RCC1L: variants seen among roughly 807,000 people sequenced by gnomAD.
The protein encoded by RCC1L is RCC1-like G exchanging factor-like protein.
A neutral mutation model predicts 58.6 loss-of-function variants in RCC1L; 46 were observed. The observed-to-expected ratio is 0.79, with a 90% CI of 0.62 to 1.00. RCC1L has a LOEUF of 1.00. RCC1L is among the 50% of genes least tolerant of loss of function. RCC1L has a pLI of 0.00. For missense variants in RCC1L, 636 were observed against 623.6 expected (o/e 1.02, Z -0.21); for synonymous variants, 281 against 262.9 (o/e 1.07, Z -0.67).
rs977861523 is a variant in RCC1L, at chr7:75,042,492, T to C, written c.*540A>G. 19 of 990,322 alleles carry C rather than the reference T, an allele frequency of 1.9e-5. No individual in the cohort carries two copies. The highest frequency in any genetic ancestry group is 2.0e-5 in the Non-Finnish European group (17 of 832,664). 61.3% of individuals were successfully genotyped at this position (990,322 alleles called of 1,614,324 possible). ...GAATCCCAGGCCACGGTGCTTCTAG[T>C]GTCCCCCCAGCGAGCTTGCGGTGTG... On this transcript the variant is annotated 3_prime_UTR_variant, in exon 11 of 11. Coordinates refer to ENST00000610322, the MANE Select transcript of RCC1L (RefSeq NM_030798.5).
chr7:75,063,437 C>T, intron 4 of RCC1L, 94 bp from the exon 5 acceptor site: 1 of 1,275,632 alleles, frequency 7.8e-7, no homozygotes, highest in Non-Finnish European at 1.1e-6. Flanking sequence ...ATGGCCCGTC[C>T]CCTCCGCTCA....
chr7:75,049,208 A>C (rs1371926788), intron 10 of RCC1L, among the ~76,000 whole-genome samples: 5 of 152,316 alleles, frequency 3.3e-5, no homozygotes, highest in South Asian at 2.1e-4. Context: ...TAGTTGTTTT[A>C]AAGAATAAAG....
Position 75,052,717 on chromosome 7 carries a change from T to A in RCC1L, c.1311A>T (p.Pro437=), listed in dbSNP as rs1047096507. The change falls in exon 10 of 11, where the codon CCA becomes CCT. Residue 437 remains proline (P), a synonymous_variant. Coordinates refer to ENST00000610322, the MANE Select transcript of RCC1L (RefSeq NM_030798.5). ...CCTCCCCGGCCAGCCTTACCCTCCA[T>A]GGGAAATACTGGTCCTCCAGGCGAC... is the stretch of plus-strand genomic sequence containing the variant. The part of the protein sequence containing the change: ...GIGRLEDQYF[P]WRVTMPGEPV... The A allele has an allele frequency of 3.7e-6, 6 of 1,611,368 alleles. No individual in the cohort carries two copies. Among genetic ancestry groups the A allele is most frequent in the South Asian group, 3.3e-5 (3 of 90,094 alleles).
chr7:75,061,030 C>T (rs1397555860), intron 6 of RCC1L, among the ~76,000 whole-genome samples, 177 bp downstream of exon 6: 5 of 152,000 alleles, frequency 3.3e-5, no homozygotes, highest in East Asian at 1.9e-4. Context: ...GATGTGATCG[C>T]GCCACTGCAC....
intron 5 of RCC1L, among the ~76,000 whole-genome samples, chr7:75,062,172 A>C (rs1470726290): frequency 1.3e-5 from 2 of 151,650 alleles, no homozygotes; most frequent in African/African-American, 2.4e-5. Context: ...AAAAAAAAGA[A>C]AAAGAAACTA....
At chr7:75,055,253 C>A (rs952364830) in intron 9 of RCC1L, among the ~76,000 whole-genome samples, 3 of 152,176 alleles carry the variant, frequency 2.0e-5, no homozygotes, top group Admixed American at 2.0e-4. Context: ...ATTGAACCCA[C>A]GGTAACTGTG....
chr7:75,043,213 T>C (rs981407430), intron 10 of RCC1L, 104 bp from the exon 11 acceptor site: 6 of 1,281,556 alleles, frequency 4.7e-6, no homozygotes, highest in South Asian at 1.2e-5. Flanking sequence ...GGAGACTCAG[T>C]AGGAGACAGC....
downstream of RCC1L, among the ~76,000 whole-genome samples, chr7:75,039,563 T>G (rs1036398346): frequency 1.9e-3 from 294 of 152,312 alleles, 12 homozygotes; most frequent in Non-Finnish European, 1.8e-3. Context: ...TCTGCATACC[T>G]GCAGGGGCGA....
chr7:75,057,895 C>T (rs891918555), intron 7 of RCC1L: 7 of 430,442 alleles, frequency 1.6e-5, no homozygotes, highest in African/African-American at 6.1e-5. Flanking sequence ...TGGTGGCTCA[C>T]GCCTGTAATC....
Position 75,042,763 on chromosome 7 carries a change from G to A in RCC1L, c.*269C>T, listed in dbSNP as rs1584488557. The stretch of plus-strand genomic sequence containing the variant: ...CACCAGACACCGTCGCATGTTACTT[G>A]GAGAGAACAGAGACGTGCGGGCCAC... On this transcript the variant is annotated 3_prime_UTR_variant, in exon 11 of 11. Transcript: ENST00000610322. 2 of 1,399,550 alleles carry A rather than the reference G, an allele frequency of 1.4e-6. 1 individual carries two copies. Among genetic ancestry groups the A allele is most frequent in the South Asian group, 3.2e-5 (2 of 63,006 alleles). The allele number at this position is 1,399,550 out of a possible 1,614,324, so 86.7% of individuals were successfully genotyped here.
chr7:75,056,136 A>C (rs1179106965), intron 8 of RCC1L, 62 bp from the exon 9 acceptor site: 1 of 1,590,200 alleles, frequency 6.3e-7, no homozygotes, highest in African/African-American at 1.3e-5. Flanking sequence ...CCTCACCAGA[A>C]ACTCAAACTA....
rs1806171494 is a variant in RCC1L, at chr7:75,058,772, AAC to A, written c.788-5_788-4del. 6.2e-7 allele frequency: 1 copy of A among 1,613,842 alleles called. No individual in the cohort carries two copies. Among genetic ancestry groups the A allele is most frequent in the Non-Finnish European group, 8.5e-7 (1 of 1,179,844 alleles). ...GGTGATATTGTAGTGACCCAGACCT[AAC>A]ACAGTGGAAAATACAGATTTTTAAT... On this transcript the variant is annotated splice_polypyrimidine_tract_variant and splice_region_variant and intron_variant, in intron 6 of 10. Coordinates refer to ENST00000610322, the MANE Select transcript of RCC1L (RefSeq NM_030798.5).
chr7:75,028,226 G>T, intron 10 of RCC1L: 3 of 742,252 alleles, frequency 4.0e-6, no homozygotes, highest in Non-Finnish European at 6.3e-6. Context: ...GTTCAAGCGA[G>T]TCTCCTACAT....
intron 10 of RCC1L, among the ~76,000 whole-genome samples, chr7:75,043,515 C>T (rs1805627395): frequency 6.6e-6 from 1 of 152,188 alleles, no homozygotes; most frequent in Non-Finnish European, 1.5e-5. Flanking sequence ...AGGCTCCATG[C>T]CCCCAGGCCA....
rs1806068834 is a variant in RCC1L, at chr7:75,056,039, G to T, written c.1093C>A (p.Leu365Ile). The T allele has an allele frequency of 6.2e-7, 1 of 1,613,944 alleles. No homozygotes were observed. Among genetic ancestry groups the T allele is most frequent in the Non-Finnish European group, 8.5e-7 (1 of 1,179,858 alleles). ...GHVFVWGYGI[L>I]GKGPNLVESA... ...TCCACTAGGTTTGGACCTTTCCCAA[G>T]AATTCCATAGCCCCAGACAAAAACA... Residue 365 changes from leucine (L) to isoleucine (I), a missense_variant, in exon 9 of 11, where the codon CTT (leucine) becomes ATT (isoleucine). Leu to Ile is a conservative substitution (Grantham distance 5, BLOSUM62 2). Transcript: ENST00000610322.
chr7:75,040,418 C>T (rs1231115637), downstream of RCC1L, among the ~76,000 whole-genome samples: 107 of 152,188 alleles, frequency 7.0e-4, no homozygotes, highest in South Asian at 5.0e-3. Context: ...TGAGATCATG[C>T]CACTGCACTC....
chr7:75,031,366 C>T (rs1805299510), intron 10 of RCC1L, among the ~76,000 whole-genome samples: 1 of 152,156 alleles, frequency 6.6e-6, no homozygotes, highest in South Asian at 2.1e-4. Flanking sequence ...CCATCTTATC[C>T]CTACCCCCCC....
chr7:75,059,243 C>G (rs1584498491), intron 6 of RCC1L, among the ~76,000 whole-genome samples: 1 of 148,812 alleles, frequency 6.7e-6, no homozygotes. Context: ...AAACCCTAAT[C>G]TGCTTAGTTG....
rs1271806587 is a variant in RCC1L at position 75,072,461 on chromosome 7, A to T, written c.324+953T>A. ...TGGCTTCTAAAGGTTGAGTAACTTG[A>T]CTGCATGCTTTTCACTGACACTACA... is the stretch of plus-strand genomic sequence containing the variant. On this transcript the variant is annotated intron_variant, in intron 1 of 10. Transcript: ENST00000610322. Among the ~76,000 whole-genome samples, 3 of 151,962 alleles carry T rather than the reference A, an allele frequency of 2.0e-5. No individual in the cohort carries two copies. The East Asian group carries it at 5.8e-4, about 29-fold the overall frequency.
Sources: gnomAD v4.1 joint callset for allele counts (sites outside exome capture counted in the v4.1 genomes callset) on GRCh38, gnomAD v4.1.1 for gene constraint, MANE v1.5 for transcripts, NCBI Gene and HGNC (gene_info 2026-07-23, HGNC 2026-07-21) for gene names.